TRPM3: variants seen among roughly 807,000 people sequenced by gnomAD.
TRPM3 encodes the protein transient receptor potential cation channel subfamily M member 3, also known as long transient receptor potential channel 3.
A neutral mutation model predicts 181.2 loss-of-function variants in TRPM3; 77 were observed. The ratio of observed to expected loss-of-function variants is 0.42; its 90% CI spans 0.35 to 0.51. The LOEUF (loss-of-function observed/expected upper bound fraction) is 0.51, where lower values mean the gene tolerates loss of function less well. TRPM3 is among the 20% of genes least tolerant of loss of function. TRPM3 has a pLI of 0.01. For synonymous variants in TRPM3, 745 were observed against 796.4 expected (o/e 0.94, Z 1.09); for missense variants, 1,759 against 2,196.7 (o/e 0.80, Z 3.98).
chr9:70,757,589 T>C (rs2077304748), intron 8 of TRPM3, among the ~76,000 whole-genome samples: 3 of 152,150 alleles, frequency 2.0e-5, no homozygotes, highest in African/African-American at 7.2e-5. Flanking sequence ...AAATCCTCAA[T>C]AAAATACTGG....
At chr9:71,028,226 G>A (rs898793186) in intron 1 of TRPM3, among the ~76,000 whole-genome samples, 2 of 152,126 alleles carry the variant, frequency 1.3e-5, no homozygotes, top group African/African-American at 4.8e-5. Flanking sequence ...AGCTTTATAA[G>A]TGAAGGAGAG....
At chr9:71,317,737 T>C (rs1418073589) in intron 1 of TRPM3, among the ~76,000 whole-genome samples, 2 of 152,072 alleles carry the variant, frequency 1.3e-5, no homozygotes, top group Non-Finnish European at 2.9e-5. Flanking sequence ...AAACCATTGT[T>C]TTCATTCTAC....
intron 1 of TRPM3, among the ~76,000 whole-genome samples, chr9:71,240,705 T>G (rs2081613244): frequency 6.6e-6 from 1 of 152,136 alleles, no homozygotes; most frequent in Non-Finnish European, 1.5e-5. Context: ...ATAAAAATAT[T>G]TTTAGTGGTG....
chr9:71,041,391 C>A (rs1441337916), intron 1 of TRPM3, among the ~76,000 whole-genome samples: 1 of 152,034 alleles, frequency 6.6e-6, no homozygotes, highest in Non-Finnish European at 1.5e-5. Context: ...TCCTTCAAAC[C>A]ATAATAACCC....
At chr9:71,095,624 T>G (rs1322470795) in intron 1 of TRPM3, among the ~76,000 whole-genome samples, 3 of 151,516 alleles carry the variant, frequency 2.0e-5, no homozygotes, top group Admixed American at 2.0e-4. Context: ...CCGGGCATGG[T>G]GGCATGCGTC....
Position 70,916,912 on chromosome 9 carries a change from A to C in TRPM3, c.178-52401T>G, listed in dbSNP as rs1452553267. On this transcript the variant is annotated intron_variant, in intron 1 of 25. Transcript: ENST00000677713. The stretch of plus-strand genomic sequence containing the variant: ...TGGCAGATGGGGAGGCAAGTGGTTC[A>C]CTTCTCTTTAGATACTGATGGTGGC... 4.2e-6 allele frequency: 4 copies of C among 944,162 alleles called. No individual in the cohort carries two copies. In the East Asian group the frequency reaches 9.9e-5, roughly 23 times the overall value. The allele number at this position is 944,162 out of a possible 1,614,324, so 58.5% of individuals were successfully genotyped here.
intron 6 of TRPM3, among the ~76,000 whole-genome samples, chr9:70,785,960 T>C (rs975439131): frequency 2.0e-5 from 3 of 152,202 alleles, no homozygotes; most frequent in South Asian, 2.1e-4. Context: ...ACCCATTCGT[T>C]TTCTGTGGAT....
intron 1 of TRPM3, among the ~76,000 whole-genome samples, chr9:70,949,139 G>T (rs1348303707): frequency 1.3e-5 from 2 of 152,104 alleles, no homozygotes; most frequent in Non-Finnish European, 2.9e-5. Flanking sequence ...ACAGGATACT[G>T]GGGTGAGGGA....
At chr9:71,242,296 A>G (rs1449351929) in intron 1 of TRPM3, among the ~76,000 whole-genome samples, 1 of 152,174 alleles carries the variant, frequency 6.6e-6, no homozygotes, top group East Asian at 1.9e-4. Flanking sequence ...CATGATCTAC[A>G]GGGGGCAGAG....
intron 1 of TRPM3, among the ~76,000 whole-genome samples, chr9:71,288,630 G>C (rs1253700896): frequency 6.6e-6 from 1 of 152,078 alleles, no homozygotes; most frequent in African/African-American, 2.4e-5. Flanking sequence ...GAGTTATTAG[G>C]GAAATGAGGA....
chr9:70,700,383 A>T (rs1030375906), intron 8 of TRPM3, among the ~76,000 whole-genome samples: 5 of 152,164 alleles, frequency 3.3e-5, no homozygotes, highest in African/African-American at 1.2e-4. Flanking sequence ...GGTTGAGTAT[A>T]AGCCCAGGGC....
chr9:70,805,128 A>C (rs2090340295), intron 6 of TRPM3, among the ~76,000 whole-genome samples: 1 of 151,648 alleles, frequency 6.6e-6, no homozygotes, highest in East Asian at 2.0e-4. Context: ...TTAACATTCC[A>C]AGTACTCTGT....
chr9:70,801,490 A>C (rs991977096), intron 6 of TRPM3, among the ~76,000 whole-genome samples: 7 of 152,208 alleles, frequency 4.6e-5, no homozygotes, highest in African/African-American at 1.2e-4. Flanking sequence ...AAATCTTATA[A>C]GGGGAAAATA....
At chr9:70,777,785 TAA>T (rs1393219827) in intron 7 of TRPM3, among the ~76,000 whole-genome samples, 2 of 152,238 alleles carry the variant, frequency 1.3e-5, no homozygotes, top group African/African-American at 2.4e-5. Context: ...CCATAGTACC[TAA>T]AACAAGCATT....
intron 1 of TRPM3, among the ~76,000 whole-genome samples, chr9:71,094,831 G>GA (rs981775500): frequency 2.6e-5 from 4 of 151,690 alleles, no homozygotes; most frequent in African/African-American, 9.7e-5. Context: ...CATCATTAAA[G>GA]AAAAAAAATC....
chr9:71,106,103 TG>T (rs2069479071), intron 1 of TRPM3, among the ~76,000 whole-genome samples: 1 of 152,188 alleles, frequency 6.6e-6, no homozygotes, highest in African/African-American at 2.4e-5. Context: ...TGGTGGAGGA[TG>T]ACTATACTAG....
At chr9:70,997,866 T>A (rs918888124) in intron 1 of TRPM3, among the ~76,000 whole-genome samples, 1 of 152,126 alleles carries the variant, frequency 6.6e-6, no homozygotes, top group African/African-American at 2.4e-5. Flanking sequence ...GCCTACCTTC[T>A]CTGAATCCAT....
intron 1 of TRPM3, among the ~76,000 whole-genome samples, chr9:71,287,445 G>C (rs903259863): frequency 2.0e-5 from 3 of 151,740 alleles, no homozygotes; most frequent in Non-Finnish European, 2.9e-5. Context: ...TCCTATTTGG[G>C]GTAATTTATC....
chr9:71,389,839 G>A (rs570373855), intron 1 of TRPM3, among the ~76,000 whole-genome samples: 1 of 152,142 alleles, frequency 6.6e-6, no homozygotes, highest in South Asian at 2.1e-4. Context: ...GAGGGGAAGA[G>A]TAGGAATGGG....
Sources: gnomAD v4.1 joint callset for allele counts (sites outside exome capture counted in the v4.1 genomes callset) on GRCh38, gnomAD v4.1.1 for gene constraint, MANE v1.5 for transcripts, NCBI Gene and HGNC (gene_info 2026-07-23, HGNC 2026-07-21) for gene names.